The following APBA2 variants were observed in gnomAD, a reference collection of about 807,000 sequenced individuals.
The protein encoded by APBA2 is amyloid beta precursor protein binding family A member 2.
In APBA2, 30 loss-of-function variants were observed where a neutral mutation model predicts 75.0. That is an observed-to-expected ratio of 0.40 (90% CI 0.30 to 0.54). APBA2 has a LOEUF of 0.54. APBA2 is among the 20% of genes least tolerant of loss of function. The pLI, the probability that APBA2 is intolerant of heterozygous loss-of-function variation, is 0.49. For synonymous variants in APBA2, 444 were observed against 409.6 expected (o/e 1.08, Z -1.01); for missense variants, 801 against 1,016.1 (o/e 0.79, Z 2.88).
intron 8 of APBA2, among the ~76,000 whole-genome samples, chr15:29,096,664 A>ATTATTT (rs1162085173): frequency 6.6e-6 from 1 of 152,216 alleles, no homozygotes; most frequent in Non-Finnish European, 1.5e-5. Context: ...TAAAATACAC[A>ATTATTT]TTTATTATTA....
chr15:29,108,138 AG>A, intron 12 of APBA2, 131 bp from the exon 13 acceptor site: 1 of 1,328,572 alleles, frequency 7.5e-7, no homozygotes, highest in South Asian at 1.2e-5. Flanking sequence ...CGAGGCTGAG[AG>A]GGGACTGCCT....
Position 29,117,056 on chromosome 15 carries a change from C to T in APBA2, c.2179-6C>T, listed in dbSNP as rs765914372. On this transcript the variant is annotated splice_polypyrimidine_tract_variant and splice_region_variant and intron_variant, in intron 14 of 14. Transcript: ENST00000683413. ...CAGCGGCTCAGCCTCCTGTTTCTGT[C>T]CGCAGATCCACATGAAGACCATGCC... is the stretch of plus-strand genomic sequence containing the variant. The T allele has an allele frequency of 5.0e-6, 8 of 1,613,078 alleles. No individual in the cohort carries two copies. Among genetic ancestry groups the T allele is most frequent in the Non-Finnish European group, 6.8e-6 (8 of 1,179,820 alleles).
chr15:28,916,461 T>A (rs2033695842), intron 1 of APBA2, among the ~76,000 whole-genome samples: 1 of 152,344 alleles, frequency 6.6e-6, no homozygotes, highest in South Asian at 2.1e-4. Flanking sequence ...CCAGTACACA[T>A]ATCTTTAATA....
At chr15:28,994,115 C>T (rs1185216776) in intron 2 of APBA2, among the ~76,000 whole-genome samples, 1 of 152,166 alleles carries the variant, frequency 6.6e-6, no homozygotes, top group Non-Finnish European at 1.5e-5. Flanking sequence ...AGATGGCGAG[C>T]TTAGGAGTGA....
intron 3 of APBA2, among the ~76,000 whole-genome samples, chr15:29,012,246 A>G (rs1329313272): frequency 6.6e-6 from 1 of 152,322 alleles, no homozygotes; most frequent in South Asian, 2.1e-4. Context: ...ATGTCGCTTT[A>G]GGTTCTTTTA....
At chr15:29,056,089 G>A (rs989271560) in intron 4 of APBA2, among the ~76,000 whole-genome samples, 1 of 152,208 alleles carries the variant, frequency 6.6e-6, no homozygotes, top group African/African-American at 2.4e-5. Context: ...TGCAGAGCGT[G>A]TGACATGCTG....
chr15:29,061,005 G>A (rs1239924906), intron 4 of APBA2, among the ~76,000 whole-genome samples: 1 of 152,128 alleles, frequency 6.6e-6, no homozygotes, highest in Non-Finnish European at 1.5e-5. Context: ...CGTCCTTGGT[G>A]CCTTCCCTTG....
chr15:29,110,274 G>A (rs181327373), intron 13 of APBA2, among the ~76,000 whole-genome samples: 30 of 151,976 alleles, frequency 2.0e-4, no homozygotes, highest in African/African-American at 7.0e-4. Flanking sequence ...CCCTCATGAG[G>A]AGCCGTGCTG....
At chr15:28,949,302 A>T (rs542011985) in intron 2 of APBA2, among the ~76,000 whole-genome samples, 27 of 152,324 alleles carry the variant, frequency 1.8e-4, no homozygotes, top group African/African-American at 6.0e-4. Context: ...CAGAGCTTCC[A>T]GAAGACCAAG....
rs1039029458 is a variant in APBA2 at position 29,060,417 on chromosome 15, C to T, written c.951+5582C>T. 2.6e-5 allele frequency among the ~76,000 whole-genome samples: 4 copies of T among 152,144 alleles called. No homozygotes were observed. The East Asian group carries it at 7.7e-4, about 29-fold the overall frequency. On this transcript the variant is annotated intron_variant, in intron 4 of 14. Transcript: ENST00000683413. ...CCTCTGAACAGTGCATAACACAGCCCTTGAAGAACCTGAGAAGAGAAAGCG... is the reference window on the plus strand; with the variant it reads ...CCTCTGAACAGTGCATAACACAGCCTTTGAAGAACCTGAGAAGAGAAAGCG...
intron 2 of APBA2, among the ~76,000 whole-genome samples, chr15:28,940,943 C>CT (rs1343125084): frequency 6.6e-6 from 1 of 152,178 alleles, no homozygotes; most frequent in African/African-American, 2.4e-5. Context: ...GTGAGCTCAC[C>CT]TGATGAGGCC....
rs929306883 is a variant in APBA2 at position 29,114,923 on chromosome 15, GTGTGTA to G, written c.2178+913_2178+918del. Among the ~76,000 whole-genome samples, 8 of 108,798 alleles carry G rather than the reference GTGTGTA, an allele frequency of 7.4e-5. No individual in the cohort carries two copies. In the African/African-American group the frequency reaches 1.0e-3, roughly 14 times the overall value. The allele number at this position is 108,798 out of a possible 152,430, so 71.4% of individuals were successfully genotyped here. ...TGTGAGCATGGGGTGTCAAGCATGAGTGTGTATGTGTGCACGGCTGTGGCTGTGGGT... is the reference window on the plus strand; with the variant it reads ...TGTGAGCATGGGGTGTCAAGCATGAGTGTGTGCACGGCTGTGGCTGTGGGT... On this transcript the variant is annotated intron_variant, in intron 14 of 14. Transcript: ENST00000683413.
chr15:29,106,604 C>T lies in APBA2; in HGVS notation c.1705-3C>T. 1.9e-6 allele frequency: 3 copies of T among 1,613,144 alleles called. No homozygotes were observed. The highest frequency in any genetic ancestry group is 2.5e-6 in the Non-Finnish European group (3 of 1,180,006). On this transcript the variant is annotated splice_region_variant and splice_polypyrimidine_tract_variant and intron_variant, in intron 11 of 14. Coordinates refer to ENST00000683413, the MANE Select transcript of APBA2 (RefSeq NM_001353788.2). ...CCCTCTCACACTGCTGATCCCTTTG[C>T]AGCTGCAGCTGGAGAAGCACAAGGG...
rs140534801 is a variant in APBA2, at chr15:28,953,908, T to G, written c.-95+32159T>G. ...AAGGAGCTCACATTTATCTTTTAGCTCTGATTTCTCTTCTGACCTCCAGAC... is the reference window on the plus strand; with the variant it reads ...AAGGAGCTCACATTTATCTTTTAGCGCTGATTTCTCTTCTGACCTCCAGAC... On this transcript the variant is annotated intron_variant, in intron 2 of 14. Coordinates refer to ENST00000683413, the MANE Select transcript of APBA2 (RefSeq NM_001353788.2). 2.2e-3 allele frequency among the ~76,000 whole-genome samples: 339 copies of G among 152,262 alleles called. 1 individual carries two copies. Among genetic ancestry groups the G allele is most frequent in the African/African-American group, 7.8e-3 (324 of 41,556 alleles).
intron 3 of APBA2, among the ~76,000 whole-genome samples, chr15:29,034,465 A>G (rs1249100187): frequency 2.0e-5 from 3 of 152,174 alleles, no homozygotes; most frequent in Non-Finnish European, 4.4e-5. Context: ...TTTATTACAC[A>G]CCAACTGATT....
In APBA2 at chr15:29,117,180, C is replaced by G. The variant is rs111728060; in HGVS notation, c.*47C>G. 6.3e-7 allele frequency: 1 copy of G among 1,589,120 alleles called. No homozygotes were observed. Among genetic ancestry groups the G allele is most frequent in the Admixed American group, 1.7e-5 (1 of 59,918 alleles). Reference sequence around the variant, plus strand: ...AGCCAGGACACCGGGCAGGGCCGCCCGGGCCCAGAGGAGCTGGGAGCCGGG... The same window carrying G: ...AGCCAGGACACCGGGCAGGGCCGCCGGGGCCCAGAGGAGCTGGGAGCCGGG... On this transcript the variant is annotated 3_prime_UTR_variant, in exon 15 of 15. Transcript: ENST00000683413.
intron 3 of APBA2, among the ~76,000 whole-genome samples, chr15:29,011,040 C>A (rs2039379171): frequency 6.6e-6 from 1 of 152,198 alleles, no homozygotes; most frequent in South Asian, 2.1e-4. Context: ...CTGGGAGCCA[C>A]CATTCTACTT....
At chr15:29,094,700 A>C (rs867145982) in intron 8 of APBA2, among the ~76,000 whole-genome samples, 1 of 152,204 alleles carries the variant, frequency 6.6e-6, no homozygotes, top group Admixed American at 6.5e-5. Flanking sequence ...AGATTCCTTA[A>C]GCTTAATTTA....
intron 6 of APBA2, among the ~76,000 whole-genome samples, chr15:29,076,433 T>C (rs1261906573): frequency 1.3e-5 from 2 of 152,002 alleles, no homozygotes; most frequent in Non-Finnish European, 1.5e-5. Context: ...GTGGATATAA[T>C]GCATTCAAAT....
Sources: gnomAD v4.1 joint callset for allele counts (sites outside exome capture counted in the v4.1 genomes callset) on GRCh38, gnomAD v4.1.1 for gene constraint, MANE v1.5 for transcripts, NCBI Gene and HGNC (gene_info 2026-07-23, HGNC 2026-07-21) for gene names.